KIF26B: variants seen among roughly 807,000 people sequenced by gnomAD.
KIF26B encodes the protein kinesin family member 26B.
A neutral mutation model predicts 151.2 loss-of-function variants in KIF26B; 63 were observed. The ratio of observed to expected loss-of-function variants is 0.42; its 90% CI spans 0.34 to 0.51. The LOEUF (loss-of-function observed/expected upper bound fraction) is 0.51. KIF26B is among the 20% of genes least tolerant of loss of function. KIF26B has a pLI of 0.07. For synonymous variants in KIF26B, 1,357 were observed against 1,262.1 expected (o/e 1.08, Z -1.59); for missense variants, 2,813 against 2,913.6 (o/e 0.97, Z 0.79).
intron 10 of KIF26B, among the ~76,000 whole-genome samples, chr1:245,661,739 G>C (rs1046099655): frequency 1.4e-5 from 2 of 146,952 alleles, no homozygotes; most frequent in African/African-American, 2.5e-5. Flanking sequence ...TACACCCAGT[G>C]TTATATATAC....
At chr1:245,350,440 A>G (rs1672543605) in intron 2 of KIF26B, among the ~76,000 whole-genome samples, 2 of 152,088 alleles carry the variant, frequency 1.3e-5, no homozygotes, top group Non-Finnish European at 2.9e-5. Flanking sequence ...GCCACTGAAC[A>G]TTCTGCCAGT....
At chr1:245,313,594 G>C (rs550979494) in intron 2 of KIF26B, among the ~76,000 whole-genome samples, 1 of 152,174 alleles carries the variant, frequency 6.6e-6, no homozygotes, top group African/African-American at 2.4e-5. Flanking sequence ...AGGTCTGAGC[G>C]GTCAAAAGAT....
chr1:245,319,535 A>G (rs1671844408), intron 2 of KIF26B, among the ~76,000 whole-genome samples: 1 of 152,156 alleles, frequency 6.6e-6, no homozygotes, highest in African/African-American at 2.4e-5. Context: ...TAATCAAAAT[A>G]AAACACTGAT....
At chr1:245,382,446 A>G (rs748724615) in intron 3 of KIF26B, among the ~76,000 whole-genome samples, 4 of 152,140 alleles carry the variant, frequency 2.6e-5, no homozygotes, top group Admixed American at 1.3e-4. Context: ...TATAGCATCT[A>G]TGGCCTAAGA....
At chr1:245,359,648 T>C (rs1397296651) in intron 2 of KIF26B, among the ~76,000 whole-genome samples, 2 of 151,806 alleles carry the variant, frequency 1.3e-5, no homozygotes, top group Non-Finnish European at 2.9e-5. Flanking sequence ...CCTTCCTTCC[T>C]TCATTCCTTC....
At chr1:245,273,491 G>A (rs1670888336) in intron 2 of KIF26B, among the ~76,000 whole-genome samples, 3 of 151,064 alleles carry the variant, frequency 2.0e-5, no homozygotes, top group African/African-American at 7.3e-5. Context: ...TTGTTGTGTT[G>A]CTTCCTATTT....
In KIF26B at chr1:245,474,110, CTT is replaced by C. The variant is rs35748378; in HGVS notation, c.1166+54380_1166+54381del. 2.1e-3 allele frequency among the ~76,000 whole-genome samples: 237 copies of C among 111,232 alleles called. 2 individuals are homozygous for C. The highest frequency in any genetic ancestry group is 7.7e-3 in the East Asian group (31 of 4,016). The allele number at this position is 111,232 out of a possible 152,430, so 73.0% of individuals were successfully genotyped here. A position where few individuals can be genotyped will look rare whatever the true frequency, so the allele number is the denominator to read the frequency against. On this transcript the variant is annotated intron_variant, in intron 4 of 14. Transcript: ENST00000407071. ...CTACTGATCTGTCAAACAGTAGGTCCTTTTTTTTTTTTTTTTGAGATGGAGTC... is the reference window on the plus strand; with the variant it reads ...CTACTGATCTGTCAAACAGTAGGTCCTTTTTTTTTTTTTTGAGATGGAGTC...
intron 12 of KIF26B, among the ~76,000 whole-genome samples, chr1:245,689,731 T>C (rs1200888599): frequency 6.6e-6 from 1 of 152,146 alleles, no homozygotes; most frequent in Admixed American, 6.5e-5. Context: ...CTAATTTTTC[T>C]ATCTTTGGTA....
chr1:245,182,916 G>T (rs573782505), intron 2 of KIF26B, among the ~76,000 whole-genome samples: 1 of 152,154 alleles, frequency 6.6e-6, no homozygotes, highest in Non-Finnish European at 1.5e-5. Flanking sequence ...GATTATAGGC[G>T]TGAGCCACCA....
chr1:245,163,736 C>G (rs1046570117), intron 2 of KIF26B, among the ~76,000 whole-genome samples: 1 of 152,066 alleles, frequency 6.6e-6, no homozygotes, highest in Admixed American at 6.5e-5. Context: ...TAAACTTTTT[C>G]TTAGGTATTA....
At chr1:245,658,565 T>C (rs557403398) in intron 10 of KIF26B, among the ~76,000 whole-genome samples, 14 of 152,170 alleles carry the variant, frequency 9.2e-5, no homozygotes, top group African/African-American at 3.4e-4. Context: ...TAATAGTTTA[T>C]ATTTTTTGTA....
intron 2 of KIF26B, among the ~76,000 whole-genome samples, chr1:245,186,023 C>T (rs1174547830): frequency 3.3e-5 from 5 of 151,976 alleles, no homozygotes; most frequent in African/African-American, 7.3e-5. Context: ...TACAGGTGCC[C>T]GCCACCACGT....
intron 10 of KIF26B, among the ~76,000 whole-genome samples, chr1:245,669,048 G>C (rs2044251540): frequency 6.6e-6 from 1 of 152,112 alleles, no homozygotes; most frequent in Non-Finnish European, 1.5e-5. Flanking sequence ...AATAGAGTTG[G>C]CTTCATCATC....
rs2103076121 is a variant in KIF26B at position 245,495,703 on chromosome 1, A to C, written c.1167-45064A>C. 1.3e-5 allele frequency among the ~76,000 whole-genome samples: 2 copies of C among 152,300 alleles called. No homozygotes were observed. Among genetic ancestry groups the C allele is most frequent in the South Asian group, 4.1e-4 (2 of 4,822 alleles). On this transcript the variant is annotated intron_variant, in intron 4 of 14. Coordinates refer to ENST00000407071, the MANE Select transcript of KIF26B (RefSeq NM_018012.4). This position sits in a 1 kb window ranked among gnomAD's most constrained non-coding sequence, Gnocchi z 4.2. ...CTAACACCTAAAATTCTACTTCAAA[A>C]TGTGATTTAAGAAGCCCTGGCTTGC...
At chr1:245,271,206 T>G (rs2102963609) in intron 2 of KIF26B, among the ~76,000 whole-genome samples, 1 of 152,356 alleles carries the variant, frequency 6.6e-6, no homozygotes, top group African/African-American at 2.4e-5. Context: ...GCTTTGTTCT[T>G]TTTTCTTCAG....
chr1:245,265,162 A>G (rs1287254788), intron 2 of KIF26B, among the ~76,000 whole-genome samples: 1 of 149,250 alleles, frequency 6.7e-6, no homozygotes, highest in African/African-American at 2.5e-5. Flanking sequence ...AGATCTTGCC[A>G]CTGCATTCCA....
intron 4 of KIF26B, among the ~76,000 whole-genome samples, chr1:245,523,500 C>T (rs1015882198): frequency 1.2e-4 from 19 of 152,112 alleles, no homozygotes; most frequent in Admixed American, 6.5e-4. Flanking sequence ...TTATAAACAA[C>T]GGAAGTTTAT....
intron 3 of KIF26B, among the ~76,000 whole-genome samples, chr1:245,406,306 G>A (rs971741506): frequency 2.0e-5 from 3 of 152,154 alleles, no homozygotes; most frequent in Non-Finnish European, 2.9e-5. Context: ...GGGGCCTGAT[G>A]CCTGACACAC....
intron 2 of KIF26B, among the ~76,000 whole-genome samples, chr1:245,340,074 G>A (rs1429906674): frequency 1.3e-5 from 2 of 152,202 alleles, no homozygotes; most frequent in Non-Finnish European, 2.9e-5. Context: ...AGGAAACAGG[G>A]AAAGCATAAG....
Sources: gnomAD v4.1 joint callset for allele counts (sites outside exome capture counted in the v4.1 genomes callset) on GRCh38, gnomAD v4.1.1 for gene constraint, Gnocchi (gnomAD v3.1) non-coding constraint, MANE v1.5 for transcripts, NCBI Gene and HGNC (gene_info 2026-07-23, HGNC 2026-07-21) for gene names.